RGL1: variants seen among roughly 807,000 people sequenced by gnomAD.
RGL1 encodes the protein ral guanine nucleotide dissociation stimulator like 1, also known as ral guanine nucleotide dissociation stimulator-like 1.
In RGL1, 24 loss-of-function variants were observed where a neutral mutation model predicts 95.2. The observed-to-expected ratio is 0.25, with a 90% CI of 0.18 to 0.35. The LOEUF (loss-of-function observed/expected upper bound fraction) is 0.35. Among genes scored for constraint, RGL1 ranks in the 10% least tolerant of loss-of-function variants. The pLI is 1.00. For synonymous variants in RGL1, 329 were observed against 344.9 expected (o/e 0.95, Z 0.51); for missense variants, 715 against 936.3 (o/e 0.76, Z 3.08).
chr1:183,863,846 T>C (rs1035272985), intron 3 of RGL1, among the ~76,000 whole-genome samples: 2 of 152,168 alleles, frequency 1.3e-5, no homozygotes, highest in Admixed American at 6.5e-5. Context: ...CTGATCCCAA[T>C]TGAGAAACTG....
At chr1:183,675,685 C>A (rs148277381) in intron 1 of RGL1, among the ~76,000 whole-genome samples, 199 of 152,238 alleles carry the variant, frequency 1.3e-3, no homozygotes, top group Non-Finnish European at 2.2e-3. Context: ...ACAGCTCTGG[C>A]TGTTATTTAG....
intron 2 of RGL1, among the ~76,000 whole-genome samples, chr1:183,808,465 C>G (rs1661487981): frequency 6.6e-6 from 1 of 152,194 alleles, no homozygotes; most frequent in African/African-American, 2.4e-5. Context: ...CTCTCCAGCT[C>G]TAATCTACGT....
intron 6 of RGL1, among the ~76,000 whole-genome samples, chr1:183,884,432 T>G (rs1030327961): frequency 2.0e-4 from 30 of 152,312 alleles, no homozygotes; most frequent in Admixed American, 1.8e-3. Context: ...TGTTAGATGG[T>G]AAATACAAGA....
chr1:183,890,959 A>G (rs569817901), intron 8 of RGL1, among the ~76,000 whole-genome samples: 1 of 152,264 alleles, frequency 6.6e-6, no homozygotes, highest in African/African-American at 2.4e-5. Flanking sequence ...TGATATGTGG[A>G]TTATATCTCA....
intron 8 of RGL1, 134 bp downstream of exon 8, chr1:183,888,711 TG>T (rs1433240135): frequency 4.4e-5 from 27 of 619,726 alleles, no homozygotes; most frequent in African/African-American, 4.2e-4. Context: ...TCAGGCAGGG[TG>T]CATCTTACAC....
chr1:183,881,196 A>G (rs562761906), intron 5 of RGL1, among the ~76,000 whole-genome samples: 16 of 152,284 alleles, frequency 1.1e-4, no homozygotes, highest in Middle Eastern at 3.4e-3. Flanking sequence ...TACCTGTTTA[A>G]TGGCTCCTTC....
intron 2 of RGL1, among the ~76,000 whole-genome samples, chr1:183,797,302 C>T (rs1055931378): frequency 6.6e-6 from 1 of 152,172 alleles, no homozygotes; most frequent in Non-Finnish European, 1.5e-5. Flanking sequence ...GCACTCCAGC[C>T]TGGGTGAGAG....
At chr1:183,866,341 T>C (rs1245315711) in intron 4 of RGL1, among the ~76,000 whole-genome samples, 1 of 152,058 alleles carries the variant, frequency 6.6e-6, no homozygotes, top group African/African-American at 2.4e-5. Flanking sequence ...TCCCAGCTCA[T>C]AAAAAGTGTG....
At chr1:183,904,417 C>T (rs1161607410) in intron 12 of RGL1, among the ~76,000 whole-genome samples, 1 of 152,062 alleles carries the variant, frequency 6.6e-6, no homozygotes, top group African/African-American at 2.4e-5. Context: ...AGCTCCCTGA[C>T]TTAAAGTATT....
chr1:183,855,903 A>G (rs189300433), intron 3 of RGL1, among the ~76,000 whole-genome samples: 2 of 152,246 alleles, frequency 1.3e-5, no homozygotes, highest in African/African-American at 4.8e-5. Flanking sequence ...ATTCCATACC[A>G]TTCTCTTCAT....
At chr1:183,814,429 T>C (rs770321424) in intron 2 of RGL1, among the ~76,000 whole-genome samples, 21 of 152,122 alleles carry the variant, frequency 1.4e-4, no homozygotes, top group Non-Finnish European at 2.6e-4. Context: ...TCTAGATCTT[T>C]TTTAAACTCT....
intron 3 of RGL1, among the ~76,000 whole-genome samples, chr1:183,849,482 A>AATTTTTTTTTTTTTTTT (rs150367802): frequency 8.1e-5 from 8 of 99,360 alleles, no homozygotes; most frequent in East Asian, 3.1e-4. Flanking sequence ...TCCAGTTTTT[A>AATTTTTTTTTTTTTTTT]GTTTTTTTTT....
At chr1:183,901,665 C>T (rs1184979119) in intron 11 of RGL1, among the ~76,000 whole-genome samples, 1 of 151,946 alleles carries the variant, frequency 6.6e-6, no homozygotes, top group African/African-American at 2.4e-5. Flanking sequence ...GTCTCTCTCT[C>T]TCTCTGTCCC....
chr1:183,787,192 C>G (rs1289025113), intron 2 of RGL1, among the ~76,000 whole-genome samples: 2 of 152,140 alleles, frequency 1.3e-5, no homozygotes, highest in African/African-American at 4.8e-5. Flanking sequence ...CTGTGATGGC[C>G]TCACATTTGA....
intron 2 of RGL1, among the ~76,000 whole-genome samples, chr1:183,743,640 T>G (rs1887245): frequency 0.45 from 68,006 of 152,106 alleles, 16,410 homozygotes; most frequent in East Asian, 0.76. Context: ...ATTCCTTAAT[T>G]GATAAAGACA....
chr1:183,750,680 CCTTAT>C (rs2102280644), intron 2 of RGL1, among the ~76,000 whole-genome samples: 1 of 152,330 alleles, frequency 6.6e-6, no homozygotes, highest in South Asian at 2.1e-4. Flanking sequence ...GCTGGCTTCT[CCTTAT>C]CTTCTTGGAT....
intron 9 of RGL1, among the ~76,000 whole-genome samples, chr1:183,893,706 A>G (rs1363560855): frequency 6.6e-6 from 1 of 152,110 alleles, no homozygotes; most frequent in Non-Finnish European, 1.5e-5. Flanking sequence ...GCCTTCCTTC[A>G]TTCTCAGGTC....
chr1:183,924,059 C>T (rs1307593716), intron 17 of RGL1, among the ~76,000 whole-genome samples: 2 of 152,108 alleles, frequency 1.3e-5, no homozygotes, highest in African/African-American at 4.8e-5. Context: ...CTTCTTGTGG[C>T]GATTACTCAA....
At chr1:183,718,349 TG>T (rs1655770260) in intron 1 of RGL1, among the ~76,000 whole-genome samples, 1 of 152,218 alleles carries the variant, frequency 6.6e-6, no homozygotes, top group Non-Finnish European at 1.5e-5. Context: ...TTTAAAGGAA[TG>T]ACATAAGTTT....
Sources: gnomAD v4.1 joint callset for allele counts (sites outside exome capture counted in the v4.1 genomes callset) on GRCh38, gnomAD v4.1.1 for gene constraint, MANE v1.5 for transcripts, NCBI Gene and HGNC (gene_info 2026-07-23, HGNC 2026-07-21) for gene names.